The following TAFA2 variants were observed in gnomAD, a reference collection of about 807,000 sequenced individuals.
The protein encoded by TAFA2 is TAFA chemokine like family member 2, also known as chemokine-like protein TAFA-2.
TAFA2 carries 7 observed loss-of-function variants against 18.8 expected under a neutral mutation model. That is an observed-to-expected ratio of 0.37 (90% CI 0.21 to 0.70). TAFA2 has a LOEUF of 0.70. TAFA2 is among the 30% of genes least tolerant of loss of function. The pLI, the probability that TAFA2 is intolerant of heterozygous loss-of-function variation, is 0.53. For synonymous variants in TAFA2, 60 were observed against 54.2 expected (o/e 1.11, Z -0.47); for missense variants, 122 against 158.1 (o/e 0.77, Z 1.23).
intron 1 of TAFA2, chr12:62,021,744 T>C: frequency 2.8e-6 from 4 of 1,453,786 alleles, no homozygotes; most frequent in Non-Finnish European, 1.9e-6. Flanking sequence ...GATCTTCACC[T>C]TGATGCCCAG....
In TAFA2 at chr12:62,084,249, C is replaced by T. The variant is rs1592325442; in HGVS notation, c.-2+107010G>A. The stretch of plus-strand genomic sequence containing the variant: ...GCTTTTTGAGAGCACAAAACCACTT[C>T]CCAATTATATGCTTGATACTTAAAT... On this transcript the variant is annotated intron_variant, in intron 1 of 4. Transcript: ENST00000416284. Among the ~76,000 whole-genome samples the T allele has an allele frequency of 2.0e-5, 3 of 152,248 alleles. No individual in the cohort carries two copies. In the South Asian group the frequency reaches 6.2e-4, roughly 32 times the overall value.
Position 61,942,117 on chromosome 12 carries a change from G to A in TAFA2, c.-1-74691C>T, listed in dbSNP as rs868845859. On this transcript the variant is annotated intron_variant, in intron 1 of 4. Coordinates refer to ENST00000416284, the MANE Select transcript of TAFA2 (RefSeq NM_178539.5). ...GCAGCTGGAGATCTGAGAACGGGCA[G>A]ACTGCCTCCTCAAGTGGGTCCCTGA... Among the ~76,000 whole-genome samples the A allele has an allele frequency of 3.2e-4, 48 of 151,124 alleles. No individual in the cohort carries two copies. The South Asian group carries it at 9.6e-3, about 30-fold the overall frequency.
intron 1 of TAFA2, among the ~76,000 whole-genome samples, chr12:62,175,025 G>A (rs73315691): frequency 0.018 from 2,664 of 152,176 alleles, 85 homozygotes; most frequent in African/African-American, 0.062. Flanking sequence ...CACATACAAC[G>A]ATTGAATTAA....
chr12:61,929,159 T>TAAAAAAAAAAAAA (rs57143585), intron 1 of TAFA2, among the ~76,000 whole-genome samples: 1 of 134,746 alleles, frequency 7.4e-6, no homozygotes. Flanking sequence ...AAGTATAATT[T>TAAAAAAAAAAAAA]AAAAAAAAAA....
intron 2 of TAFA2, among the ~76,000 whole-genome samples, chr12:61,867,085 C>A (rs2359979): frequency 0.81 from 122,988 of 151,952 alleles, 49,894 homozygotes; most frequent in East Asian, 0.89. Context: ...AGGTAGAGTT[C>A]TATTTCCATA....
intron 1 of TAFA2, among the ~76,000 whole-genome samples, chr12:62,052,020 A>G (rs1882068108): frequency 6.6e-6 from 1 of 152,188 alleles, no homozygotes; most frequent in East Asian, 1.9e-4. Flanking sequence ...CTTTAATTGC[A>G]AAAGGCAGGC....
At chr12:62,002,291 AC>A (rs924722755) in intron 1 of TAFA2, among the ~76,000 whole-genome samples, 3 of 152,160 alleles carry the variant, frequency 2.0e-5, no homozygotes, top group African/African-American at 7.2e-5. Flanking sequence ...ATCATAAAAG[AC>A]CTTTTTTAGT....
chr12:61,963,272 G>C (rs1370289398), intron 1 of TAFA2, among the ~76,000 whole-genome samples: 2 of 151,932 alleles, frequency 1.3e-5, no homozygotes, highest in Non-Finnish European at 2.9e-5. Flanking sequence ...CAGTATTTCT[G>C]GTTCTGGATT....
intron 1 of TAFA2, among the ~76,000 whole-genome samples, chr12:62,200,522 A>G (rs1287239154): frequency 1.3e-5 from 2 of 152,158 alleles, no homozygotes; most frequent in Non-Finnish European, 2.9e-5. Context: ...TCCTTTCCCT[A>G]TTGCTCATTT....
chr12:61,989,459 T>A (rs865918418), intron 1 of TAFA2, among the ~76,000 whole-genome samples: 2 of 150,732 alleles, frequency 1.3e-5, no homozygotes, highest in Non-Finnish European at 2.9e-5. Context: ...TGTGAAATCA[T>A]TCCTGGCTGA....
At chr12:61,712,426 C>A (rs1018534887) in intron 4 of TAFA2, among the ~76,000 whole-genome samples, 3 of 151,980 alleles carry the variant, frequency 2.0e-5, no homozygotes, top group Non-Finnish European at 4.4e-5. Flanking sequence ...AAGTATAATA[C>A]AAAAGGCTTA....
At chr12:62,120,822 GTTTC>G (rs1870158591) in intron 1 of TAFA2, among the ~76,000 whole-genome samples, 1 of 150,712 alleles carries the variant, frequency 6.6e-6, no homozygotes, top group African/African-American at 2.4e-5. Flanking sequence ...CTGCATTATG[GTTTC>G]TTTATTATTA....
chr12:62,032,739 T>C (rs1376910569), intron 1 of TAFA2, among the ~76,000 whole-genome samples: 2 of 152,180 alleles, frequency 1.3e-5, no homozygotes, highest in African/African-American at 2.4e-5. Flanking sequence ...GAGCTACTCA[T>C]ATTTATGGGC....
At chr12:62,198,964 T>C (rs73131836) in intron 1 of TAFA2, among the ~76,000 whole-genome samples, 12,866 of 152,254 alleles carry the variant, frequency 0.085, 679 homozygotes, top group Middle Eastern at 0.18. Flanking sequence ...CTACATGTAG[T>C]AGGCAAATAT....
At chr12:62,119,257 T>C (rs1261559866) in intron 1 of TAFA2, among the ~76,000 whole-genome samples, 1 of 152,120 alleles carries the variant, frequency 6.6e-6, no homozygotes, top group Admixed American at 6.6e-5. Flanking sequence ...TACATAAAAT[T>C]CTAATTAGTT....
intron 1 of TAFA2, among the ~76,000 whole-genome samples, chr12:62,137,511 T>C (rs1031797875): frequency 6.6e-6 from 1 of 152,138 alleles, no homozygotes; most frequent in Non-Finnish European, 1.5e-5. Flanking sequence ...CCAAAGCTCA[T>C]CTTCTTTCCT....
chr12:62,066,126 C>CGTGTGTGT (rs3221978), intron 1 of TAFA2, among the ~76,000 whole-genome samples: 2,769 of 145,532 alleles, frequency 0.019, 24 homozygotes, highest in Middle Eastern at 0.032. Context: ...CTGAAACAGC[C>CGTGTGTGT]GTGTGTGTGT....
chr12:61,793,387 G>GA (rs890751214), intron 2 of TAFA2, among the ~76,000 whole-genome samples: 12 of 145,758 alleles, frequency 8.2e-5, no homozygotes, highest in African/African-American at 1.5e-4. Context: ...AATGTTAGAA[G>GA]AAAAAAAAAA....
intron 1 of TAFA2, among the ~76,000 whole-genome samples, chr12:62,113,169 G>A (rs192483294): frequency 7.9e-4 from 121 of 152,242 alleles, no homozygotes; most frequent in African/African-American, 2.7e-3. Context: ...GGGTGTTTGT[G>A]TGGCTGTCCT....
Sources: allele counts gnomAD v4.1 joint callset (sites outside exome capture counted in the v4.1 genomes callset), GRCh38; gene constraint gnomAD v4.1.1; transcripts MANE v1.5; gene names NCBI Gene and HGNC (gene_info 2026-07-23, HGNC 2026-07-21).